Variants in SSBP2 observed in about 807,000 individuals in gnomAD.
SSBP2 encodes the protein single stranded DNA binding protein 2.
SSBP2 carries 17 observed loss-of-function variants against 61.8 expected under a neutral mutation model. The observed-to-expected ratio is 0.28, with a 90% CI of 0.19 to 0.41. The LOEUF is 0.41. Among genes scored for constraint, SSBP2 ranks in the 10% least tolerant of loss-of-function variants. The pLI, the probability that SSBP2 is intolerant of heterozygous loss-of-function variation, is 1.00. For missense variants in SSBP2, 310 were observed against 458.7 expected (o/e 0.68, Z 2.96); for synonymous variants, 139 against 141.3 (o/e 0.98, Z 0.12).
intron 9 of SSBP2, 128 bp downstream of exon 9, chr5:81,466,846 T>C: frequency 1.9e-6 from 1 of 516,574 alleles, no homozygotes; most frequent in East Asian, 3.2e-5. Context: ...CTCAAATTGT[T>C]TTACAAATTA....
intron 1 of SSBP2, among the ~76,000 whole-genome samples, chr5:81,728,306 G>C (rs557708472): frequency 8.8e-4 from 134 of 152,244 alleles, no homozygotes; most frequent in Non-Finnish European, 1.7e-3. Context: ...CGACAATACA[G>C]TGCAATGATT....
intron 6 of SSBP2, among the ~76,000 whole-genome samples, chr5:81,485,918 A>G (rs935827803): frequency 6.6e-6 from 1 of 152,222 alleles, no homozygotes; most frequent in Non-Finnish European, 1.5e-5. Flanking sequence ...TTATGCTTGA[A>G]AAGTTCATGC....
intron 4 of SSBP2, among the ~76,000 whole-genome samples, chr5:81,598,392 A>C (rs777130150): frequency 2.0e-5 from 3 of 152,216 alleles, no homozygotes; most frequent in Admixed American, 6.5e-5. Flanking sequence ...TCAAAAATGC[A>C]TAAGAAATAT....
chr5:81,667,644 A>G (rs975567998), intron 1 of SSBP2, among the ~76,000 whole-genome samples: 2 of 152,182 alleles, frequency 1.3e-5, no homozygotes, highest in African/African-American at 4.8e-5. Flanking sequence ...TACTGTAAAG[A>G]TAAGTTACCT....
At chr5:81,612,299 T>C (rs960313323) in intron 4 of SSBP2, among the ~76,000 whole-genome samples, 2 of 152,178 alleles carry the variant, frequency 1.3e-5, no homozygotes, top group Non-Finnish European at 2.9e-5. Flanking sequence ...TGCCTGTGCA[T>C]GTAACATGGT....
intron 1 of SSBP2, among the ~76,000 whole-genome samples, chr5:81,685,417 G>A (rs552684115): frequency 8.5e-5 from 13 of 152,218 alleles, no homozygotes; most frequent in Admixed American, 8.5e-4. Context: ...ATGTACCACT[G>A]TGGCACATGT....
chr5:81,574,650 C>T (rs977822514), intron 4 of SSBP2, among the ~76,000 whole-genome samples: 12 of 151,682 alleles, frequency 7.9e-5, no homozygotes, highest in South Asian at 2.1e-4. Flanking sequence ...AGGTAAAACG[C>T]GGCGAAAACC....
chr5:81,477,350 C>A (rs535831213), intron 6 of SSBP2, among the ~76,000 whole-genome samples: 1 of 152,224 alleles, frequency 6.6e-6, no homozygotes, highest in East Asian at 1.9e-4. Flanking sequence ...AGCATATACA[C>A]CTACCATAAA....
chr5:81,571,313 T>A (rs558218302), intron 4 of SSBP2, among the ~76,000 whole-genome samples: 1 of 152,214 alleles, frequency 6.6e-6, no homozygotes, highest in Admixed American at 6.5e-5. Context: ...TTTCTTTATT[T>A]TTTGAAGGCT....
At chr5:81,583,436 T>C (rs926193403) in intron 4 of SSBP2, among the ~76,000 whole-genome samples, 34 of 151,974 alleles carry the variant, frequency 2.2e-4, no homozygotes, top group Non-Finnish European at 3.7e-4. Context: ...GAGACCATCC[T>C]GGCTAACACG....
chr5:81,464,571 T>C (rs1279750174), intron 9 of SSBP2, among the ~76,000 whole-genome samples: 1 of 152,136 alleles, frequency 6.6e-6, no homozygotes, highest in Admixed American at 6.5e-5. Flanking sequence ...AGTTGTCAGT[T>C]AGAATATAGT....
In SSBP2 at chr5:81,693,952, G is replaced by C. The variant is rs145904049; in HGVS notation, c.63-43613C>G. Among the ~76,000 whole-genome samples the C allele has an allele frequency of 1.8e-4, 27 of 152,034 alleles. No homozygotes were observed. The East Asian group carries it at 5.2e-3, about 29-fold the overall frequency. On this transcript the variant is annotated intron_variant, in intron 1 of 16. Transcript: ENST00000320672. ...CTTAGCGTCCATCAACAGACAAATG[G>C]ATAAAGAAAATATGGTGCATATACA...
At chr5:81,639,144 T>C (rs1748537388) in intron 2 of SSBP2, among the ~76,000 whole-genome samples, 1 of 152,190 alleles carries the variant, frequency 6.6e-6, no homozygotes, top group South Asian at 2.1e-4. Flanking sequence ...CTTCAAATTA[T>C]ACCTTAAGGG....
At chr5:81,627,587 G>A (rs977693230) in intron 3 of SSBP2, among the ~76,000 whole-genome samples, 1 of 152,104 alleles carries the variant, frequency 6.6e-6, no homozygotes, top group Admixed American at 6.6e-5. Flanking sequence ...AAAATAATTA[G>A]AGTGCTAGCA....
chr5:81,652,409 A>G (rs768381659), intron 1 of SSBP2, among the ~76,000 whole-genome samples: 30 of 152,154 alleles, frequency 2.0e-4, no homozygotes, highest in Middle Eastern at 3.2e-3. Context: ...TAAAACAGTG[A>G]TTCTAAAAAA....
chr5:81,510,570 GA>G (rs1768520243), intron 5 of SSBP2, among the ~76,000 whole-genome samples: 1 of 152,064 alleles, frequency 6.6e-6, no homozygotes, highest in African/African-American at 2.4e-5. Context: ...AGACCAGTCT[GA>G]CCAACAGGGG....
chr5:81,553,982 CAGGA>C (rs1772401661), intron 4 of SSBP2, among the ~76,000 whole-genome samples: 1 of 152,028 alleles, frequency 6.6e-6, no homozygotes, highest in Non-Finnish European at 1.5e-5. Flanking sequence ...CTGCATTACT[CAGGA>C]AGGAACTAAT....
intron 1 of SSBP2, among the ~76,000 whole-genome samples, chr5:81,731,363 T>C (rs1561738638): frequency 1.3e-5 from 2 of 152,194 alleles, no homozygotes; most frequent in African/African-American, 4.8e-5. Flanking sequence ...GGCAGAATTA[T>C]TGCCCTCAAA....
At chr5:81,591,790 A>G (rs1460331567) in intron 4 of SSBP2, among the ~76,000 whole-genome samples, 1 of 152,232 alleles carries the variant, frequency 6.6e-6, no homozygotes, top group Non-Finnish European at 1.5e-5. Context: ...TCCAAGAGTT[A>G]CAGGACAATA....
Sources: allele counts gnomAD v4.1 joint callset (sites outside exome capture counted in the v4.1 genomes callset), GRCh38; gene constraint gnomAD v4.1.1; transcripts MANE v1.5; gene names NCBI Gene and HGNC (gene_info 2026-07-23, HGNC 2026-07-21).